PPP2R2C: variants seen among roughly 807,000 people sequenced by gnomAD.
PPP2R2C encodes the protein protein phosphatase 2, regulatory subunit B, gamma.
A neutral mutation model predicts 45.3 loss-of-function variants in PPP2R2C; 10 were observed. That is an observed-to-expected ratio of 0.22 (90% CI 0.14 to 0.37). PPP2R2C has a LOEUF of 0.37. Among genes scored for constraint, PPP2R2C ranks in the 10% least tolerant of loss-of-function variants. PPP2R2C has a pLI of 1.00. For synonymous variants in PPP2R2C, 257 were observed against 245.4 expected (o/e 1.05, Z -0.44); for missense variants, 308 against 619.7 (o/e 0.50, Z 5.34).
In PPP2R2C at chr4:6,437,387, G is replaced by A. The variant is rs545342349; in HGVS notation, c.70+34773C>T. ...CAACAACACAGGATCTGAGACAGAA[G>A]GCCTGGCAAGTCCTTTTGTAGTTGT... On this transcript the variant is annotated intron_variant, in intron 1 of 8. Coordinates refer to ENST00000382599, the MANE Select transcript of PPP2R2C (RefSeq NM_020416.4). 2.6e-5 allele frequency among the ~76,000 whole-genome samples: 4 copies of A among 152,356 alleles called. No individual in the cohort carries two copies. The South Asian group carries it at 6.2e-4, about 24-fold the overall frequency.
At chr4:6,539,657 C>T (rs189425314) in intron 1 of PPP2R2C, among the ~76,000 whole-genome samples, 3 of 152,190 alleles carry the variant, frequency 2.0e-5, no homozygotes, top group African/African-American at 4.8e-5. Flanking sequence ...AAGCGCCTGC[C>T]GACCAGGCAG....
chr4:6,367,636 T>C (rs1330893002), intron 5 of PPP2R2C, among the ~76,000 whole-genome samples: 1 of 152,186 alleles, frequency 6.6e-6, no homozygotes, highest in African/African-American at 2.4e-5. Flanking sequence ...CCTCCTCTCA[T>C]TACTCGGCTG....
chr4:6,375,945 A>T lies in PPP2R2C; in HGVS notation c.335-14T>A, dbSNP rs751820142. The stretch of plus-strand genomic sequence containing the variant: ...TGATAGTTTTATCTTTAAAAACAGA[A>T]CAAAATAAAGCGAGTCACATAATTA... On this transcript the variant is annotated splice_polypyrimidine_tract_variant and intron_variant, in intron 3 of 8. Coordinates refer to ENST00000382599, the MANE Select transcript of PPP2R2C (RefSeq NM_020416.4). 20 of 1,596,786 alleles carry T rather than the reference A, an allele frequency of 1.3e-5. No individual in the cohort carries two copies. The highest frequency in any genetic ancestry group is 1.7e-5 in the Non-Finnish European group (20 of 1,165,374).
At chr4:6,541,429 A>G (rs1724799746) in intron 1 of PPP2R2C, among the ~76,000 whole-genome samples, 1 of 152,172 alleles carries the variant, frequency 6.6e-6, no homozygotes, top group South Asian at 2.1e-4. Context: ...CCTGCTGTCC[A>G]CCACATAGGT....
intron 6 of PPP2R2C, among the ~76,000 whole-genome samples, chr4:6,337,112 G>GTATATATA (rs61657951): frequency 0.01 from 306 of 30,020 alleles, 42 homozygotes; most frequent in East Asian, 0.019. Flanking sequence ...ATGTGTGTGT[G>GTATATATA]TATATATATA....
At chr4:6,418,172 T>C (rs1242266475) in intron 1 of PPP2R2C, among the ~76,000 whole-genome samples, 1 of 152,080 alleles carries the variant, frequency 6.6e-6, no homozygotes, top group African/African-American at 2.4e-5. Context: ...TGTGGGCAAG[T>C]GGACATGAAC....
intron 1 of PPP2R2C, among the ~76,000 whole-genome samples, chr4:6,466,036 G>A (rs1318125799): frequency 1.3e-5 from 2 of 152,248 alleles, no homozygotes; most frequent in Non-Finnish European, 2.9e-5. Flanking sequence ...TAGGGTTCCT[G>A]CGTCATTCAT....
rs922265883 is a variant in PPP2R2C, at chr4:6,532,854, C to G, written c.49+2417G>C. 3.6e-4 allele frequency among the ~76,000 whole-genome samples: 55 copies of G among 152,304 alleles called. 2 individuals are homozygous for G. Among genetic ancestry groups the G allele is most frequent in the Admixed American group, 1.3e-4 (2 of 15,298 alleles). ...GAGTCAAGTCCCAAGGCAGCAGCAC[C>G]GGGGGGCCAGGTATCTGTGCCCTAG... On this transcript the variant is annotated intron_variant, in intron 2 of 9. Transcript: ENST00000506140.
intron 1 of PPP2R2C, among the ~76,000 whole-genome samples, chr4:6,389,002 G>A (rs367722717): frequency 5.3e-5 from 8 of 151,946 alleles, no homozygotes; most frequent in African/African-American, 1.9e-4. Flanking sequence ...GTGCCACCTG[G>A]GGGAGACATC....
At chr4:6,476,663 A>G (rs908196258), upstream of PPP2R2C, among the ~76,000 whole-genome samples, 1 of 152,176 alleles carries the variant, frequency 6.6e-6, no homozygotes, top group Non-Finnish European at 1.5e-5. Context: ...TGACTAAGAC[A>G]CCACCCCAAA....
rs145611019 is a variant in PPP2R2C, at chr4:6,500,012, T to A, written c.49+35259A>T. Among the ~76,000 whole-genome samples, 509 of 152,338 alleles carry A rather than the reference T, an allele frequency of 3.3e-3. 1 individual carries two copies. Among genetic ancestry groups the A allele is most frequent in the African/African-American group, 0.012 (486 of 41,572 alleles). On this transcript the variant is annotated intron_variant, in intron 2 of 9. Coordinates refer to the PPP2R2C transcript ENST00000506140. ...ATGTATTTCTGCCTGCTCCCACTAG[T>A]TGTGAGCTTCAGGAGGAGGAAACTT...
In PPP2R2C at chr4:6,324,055, C is replaced by G. The variant is rs1171777219; in HGVS notation, c.1053-462G>C. 6.6e-6 allele frequency among the ~76,000 whole-genome samples: 1 copy of G among 152,182 alleles called. No homozygotes were observed. The highest frequency in any genetic ancestry group is 1.5e-5 in the Non-Finnish European group (1 of 68,038). ...CTGTATCTTGGGGTCTCTTATACCC[C>G]CTCACATGTCAGCTGCCACCAACAT... On this transcript the variant is annotated intron_variant, in intron 8 of 8. Transcript: ENST00000382599. This position sits in a 1 kb window ranked among gnomAD's most constrained non-coding sequence, Gnocchi z 4.1.
intron 5 of PPP2R2C, chr4:6,349,477 TTTA>T (rs1457814455): frequency 3.8e-5 from 37 of 985,260 alleles, no homozygotes; most frequent in Non-Finnish European, 4.5e-5. Flanking sequence ...AGTTTCCATT[TTTA>T]TTATTTTCTA....
rs143330491 is a variant in PPP2R2C at position 6,417,643 on chromosome 4, G to A, written c.71-36549C>T. ...AACATGTTCTCCTGCTGAGGCTTTC[G>A]GGGGCCCCCGGGGACCCCAGTCCAT... On this transcript the variant is annotated intron_variant, in intron 1 of 8. Coordinates refer to ENST00000382599, the MANE Select transcript of PPP2R2C (RefSeq NM_020416.4). 8.1e-3 allele frequency among the ~76,000 whole-genome samples: 1,237 copies of A among 152,278 alleles called. 11 individuals are homozygous for A. The highest frequency in any genetic ancestry group is 0.045 in the Middle Eastern group (13 of 292).
intron 6 of PPP2R2C, among the ~76,000 whole-genome samples, chr4:6,339,204 C>T (rs562221254): frequency 6.6e-6 from 1 of 152,376 alleles, no homozygotes; most frequent in African/African-American, 2.4e-5. Context: ...GGTACCTTCT[C>T]CTGTGGCACT....
intron 1 of PPP2R2C, among the ~76,000 whole-genome samples, chr4:6,395,518 A>G (rs1716960842): frequency 6.6e-6 from 1 of 152,102 alleles, no homozygotes; most frequent in South Asian, 2.1e-4. Context: ...CGGTCTCTGG[A>G]GGACAGTCTG....
intron 2 of PPP2R2C, among the ~76,000 whole-genome samples, chr4:6,527,237 G>A (rs1175203243): frequency 2.0e-5 from 3 of 152,220 alleles, no homozygotes; most frequent in Non-Finnish European, 4.4e-5. Context: ...CCTTGGCCAG[G>A]GAGCGGGGAT....
intron 5 of PPP2R2C, among the ~76,000 whole-genome samples, chr4:6,370,688 G>C (rs575609463): frequency 6.6e-6 from 1 of 152,312 alleles, no homozygotes; most frequent in Admixed American, 6.5e-5. Context: ...TCAGCCCAGA[G>C]AGCCATCACC....
intron 3 of PPP2R2C, among the ~76,000 whole-genome samples, chr4:6,377,614 G>A (rs980917058): frequency 1.3e-5 from 2 of 152,028 alleles, no homozygotes; most frequent in African/African-American, 4.8e-5. Context: ...AGCAGAGATC[G>A]CGCCACTCTA....
Sources: allele counts gnomAD v4.1 joint callset (sites outside exome capture counted in the v4.1 genomes callset), GRCh38; gene constraint gnomAD v4.1.1; non-coding constraint Gnocchi (gnomAD v3.1); transcripts MANE v1.5; gene names NCBI Gene and HGNC (gene_info 2026-07-23, HGNC 2026-07-21).